GXYLT1: variants seen among roughly 807,000 people sequenced by gnomAD.
GXYLT1 encodes glycosyltransferase 8 domain containing 3.
A neutral mutation model predicts 54.0 loss-of-function variants in GXYLT1; 29 were observed. The ratio of observed to expected loss-of-function variants is 0.54; its 90% confidence interval spans 0.40 to 0.73. The LOEUF is 0.73. Among genes scored for constraint, GXYLT1 ranks in the 30% least tolerant of loss-of-function variants. GXYLT1 has a pLI of 0.00. For missense variants in GXYLT1, 490 were observed against 553.4 expected, an observed-to-expected ratio of 0.89 and a Z score of 1.15; for synonymous variants, 176 against 204.1, an observed-to-expected ratio of 0.86 and a Z score of 1.17.
At chr12:42,109,501 G>A in intron 4 of GXYLT1, 65 bp downstream of exon 4, 1 of 1,115,488 alleles carries the variant, frequency 9.0e-7, no homozygotes, top group Non-Finnish European at 1.2e-6. Flanking sequence ...AGAGACTCAT[G>A]TGTAAAAGTA....
rs183383220 is a variant in GXYLT1, at chr12:42,098,784, T to A, written c.865-751A>T. On this transcript the variant is annotated intron_variant, in intron 5 of 7. Coordinates refer to ENST00000398675, the MANE Select transcript of GXYLT1 (RefSeq NM_173601.2). ...ACATATATATATATATATATATATA[T>A]AATACATGTGTGTGTATATATACAT... is the stretch of plus-strand genomic sequence containing the variant. Among the ~76,000 whole-genome samples, 759 of 134,414 alleles carry A rather than the reference T, an allele frequency of 5.6e-3. 11 individuals carry two copies. Among genetic ancestry groups the A allele is most frequent in the African/African-American group, 0.013 (470 of 36,082 alleles). The allele number at this position is 134,414 out of a possible 152,430, so 88.2% of individuals were successfully genotyped here. A position where few individuals can be genotyped will look rare whatever the true frequency, so the allele number is the denominator to read the frequency against.
chr12:42,137,762 G>GAAAAAAAAAAAAAA (rs56387868), intron 1 of GXYLT1, among the ~76,000 whole-genome samples: 1 of 107,180 alleles, frequency 9.3e-6, no homozygotes, highest in Non-Finnish European at 1.7e-5. Context: ...ATCTCAAATT[G>GAAAAAAAAAAAAAA]AAAAAAAAAA....
intron 1 of GXYLT1, among the ~76,000 whole-genome samples, chr12:42,139,232 T>C (rs1030178639): frequency 5.9e-5 from 9 of 152,118 alleles, no homozygotes; most frequent in Non-Finnish European, 1.3e-4. Context: ...AAATCAAAAG[T>C]ACATATTATT....
chr12:42,091,621 A>T (rs1040340831), intron 7 of GXYLT1, among the ~76,000 whole-genome samples: 1 of 152,180 alleles, frequency 6.6e-6, no homozygotes, highest in African/African-American at 2.4e-5. Flanking sequence ...CATCAACACT[A>T]AATTTTATAA....
chr12:42,143,011 T>C (rs192564696), intron 1 of GXYLT1, among the ~76,000 whole-genome samples: 3 of 152,338 alleles, frequency 2.0e-5, no homozygotes, highest in African/African-American at 7.2e-5. Flanking sequence ...ATTGGATGTT[T>C]ATTAAAACTG....
At chr12:42,109,155 T>C (rs541347031) in intron 4 of GXYLT1, among the ~76,000 whole-genome samples, 1 of 152,296 alleles carries the variant, frequency 6.6e-6, no homozygotes, top group Non-Finnish European at 1.5e-5. Flanking sequence ...AAGACACAAA[T>C]TGCTATTTAA....
intron 1 of GXYLT1, among the ~76,000 whole-genome samples, chr12:42,132,078 T>C (rs2065596412): frequency 6.6e-6 from 1 of 152,136 alleles, no homozygotes; most frequent in African/African-American, 2.4e-5. Flanking sequence ...ATTAAAATTA[T>C]ATATATTTAA....
intron 4 of GXYLT1, 32 bp from the exon 5 acceptor site, chr12:42,106,101 T>C (rs376850180): frequency 2.1e-5 from 31 of 1,493,152 alleles, no homozygotes; most frequent in African/African-American, 2.8e-5. Context: ...TGATTAACTA[T>C]AATTCTATTT....
At chr12:42,091,287 AT>A (rs67706143) in intron 7 of GXYLT1, among the ~76,000 whole-genome samples, 9,870 of 151,898 alleles carry the variant, frequency 0.065, 468 homozygotes, top group Non-Finnish European at 0.1. Context: ...TAAAAATAAG[AT>A]TTTTTTAAAA....
chr12:42,122,663 T>G (rs1360374433), intron 2 of GXYLT1, among the ~76,000 whole-genome samples: 1 of 152,188 alleles, frequency 6.6e-6, no homozygotes, highest in African/African-American at 2.4e-5. Context: ...GAACTCTTCT[T>G]TTTTTAAAGA....
intron 1 of GXYLT1, among the ~76,000 whole-genome samples, chr12:42,139,998 G>A (rs907699469): frequency 6.6e-6 from 1 of 151,946 alleles, no homozygotes; most frequent in South Asian, 2.1e-4. Flanking sequence ...TGGCTAACAT[G>A]GTGAAACGCC....
At chr12:42,097,821 GAC>G in intron 6 of GXYLT1, 87 bp downstream of exon 6, 2 of 1,095,756 alleles carry the variant, frequency 1.8e-6, no homozygotes, top group Non-Finnish European at 2.6e-6. Flanking sequence ...ATTAATATAA[GAC>G]AGAATCAGAT....
At chr12:42,132,093 A>G (rs1053866583) in intron 1 of GXYLT1, among the ~76,000 whole-genome samples, 1 of 152,178 alleles carries the variant, frequency 6.6e-6, no homozygotes, top group African/African-American at 2.4e-5. Context: ...ATTTAACAAT[A>G]CCATTTGCAG....
intron 5 of GXYLT1, among the ~76,000 whole-genome samples, chr12:42,099,329 C>T (rs2065376236): frequency 6.6e-6 from 1 of 152,194 alleles, no homozygotes; most frequent in Non-Finnish European, 1.5e-5. Flanking sequence ...TGGTTTGACT[C>T]TCCTTTTAAA....
In GXYLT1 at chr12:42,094,508, T is replaced by C. The variant is rs2065345069; in HGVS notation, c.1161+2934A>G. On this transcript the variant is annotated intron_variant, in intron 7 of 7. Transcript: ENST00000398675. ...TCCCCATCTCCATAAAAAATACATATGTTAGCTGAGTGTGGTGGCACGTGC... is the reference window on the plus strand; with the variant it reads ...TCCCCATCTCCATAAAAAATACATACGTTAGCTGAGTGTGGTGGCACGTGC... Among the ~76,000 whole-genome samples the C allele has an allele frequency of 2.0e-5, 3 of 151,706 alleles. No individual in the cohort carries two copies. In the South Asian group the frequency reaches 6.2e-4, roughly 32 times the overall value.
intron 5 of GXYLT1, among the ~76,000 whole-genome samples, chr12:42,101,177 TAA>T (rs1257486758): frequency 1.3e-5 from 2 of 152,086 alleles, no homozygotes; most frequent in Non-Finnish European, 2.9e-5. Flanking sequence ...GAAATGAGTT[TAA>T]TAAAGAGGTA....
rs12300748 is a variant in GXYLT1 at position 42,110,395 on chromosome 12, G to A, written c.487-704C>T. Reference sequence around the variant, plus strand: ...GCATTAAGAAACAATCTATGGGGGGGAAAAAACTAAGTAGTTTATGTACAG... The same window carrying A: ...GCATTAAGAAACAATCTATGGGGGGAAAAAAACTAAGTAGTTTATGTACAG... On this transcript the variant is annotated intron_variant, in intron 3 of 7. Transcript: ENST00000398675. 9.0e-3 allele frequency among the ~76,000 whole-genome samples: 1,366 copies of A among 152,186 alleles called. 28 individuals carry two copies. The highest frequency in any genetic ancestry group is 0.031 in the African/African-American group (1,306 of 41,516).
intron 5 of GXYLT1, among the ~76,000 whole-genome samples, chr12:42,099,943 C>T (rs1376612774): frequency 1.1e-4 from 16 of 151,994 alleles, no homozygotes; most frequent in African/African-American, 3.9e-4. Context: ...CACAATGCTG[C>T]CTTTTGAAAT....
chr12:42,137,656 C>A (rs972366258), intron 1 of GXYLT1, among the ~76,000 whole-genome samples: 1 of 150,472 alleles, frequency 6.6e-6, no homozygotes, highest in Non-Finnish European at 1.5e-5. Flanking sequence ...ACTTGGGAGG[C>A]TGAGGCAGGA....
Sources: gnomAD v4.1 joint callset for allele counts (sites outside exome capture counted in the v4.1 genomes callset) on GRCh38, gnomAD v4.1.1 for gene constraint, MANE v1.5 for transcripts, NCBI Gene and HGNC (gene_info 2026-07-23, HGNC 2026-07-21) for gene names.